Variants in POLR3E observed in about 807,000 individuals in gnomAD.
POLR3E encodes the protein RNA polymerase III subunit E, also known as DNA-directed RNA polymerase III subunit RPC5.
Under a neutral mutation model 96.6 loss-of-function variants are expected in POLR3E, and 41 were observed. The observed-to-expected ratio is 0.42, with a 90% CI of 0.33 to 0.55. The LOEUF is 0.55. POLR3E is among the 20% of genes least tolerant of loss of function. POLR3E has a pLI of 0.06. For synonymous variants in POLR3E, 396 were observed against 383.6 expected (o/e 1.03, Z -0.38); for missense variants, 849 against 952.1 (o/e 0.89, Z 1.43).
At chr16:22,297,693 A>G (rs1001085306) in intron 1 of POLR3E, among the ~76,000 whole-genome samples, 156 bp downstream of exon 1, 3 of 152,210 alleles carry the variant, frequency 2.0e-5, no homozygotes, top group African/African-American at 7.2e-5. Context: ...GAGGAGGGGC[A>G]GCCGGCTCCA....
intron 2 of POLR3E, 152 bp from the exon 3 acceptor site, chr16:22,305,004 G>A (rs2305967): frequency 2.8e-6 from 2 of 701,894 alleles, no homozygotes; most frequent in Non-Finnish European, 5.3e-6. Flanking sequence ...CCTTGGATCC[G>A]CTTGCTTTTA....
intron 19 of POLR3E, 93 bp downstream of exon 19, chr16:22,328,680 C>T (rs2048665309): frequency 1.0e-6 from 1 of 971,818 alleles, no homozygotes; most frequent in African/African-American, 1.6e-5. Context: ...CAAAGTGCAG[C>T]CACACATTTC....
chr16:22,298,615 A>C (rs760209265), intron 1 of POLR3E, among the ~76,000 whole-genome samples: 1 of 152,152 alleles, frequency 6.6e-6, no homozygotes, highest in Non-Finnish European at 1.5e-5. Flanking sequence ...ACTTAACCAT[A>C]CTGCCGTTTA....
In POLR3E at chr16:22,317,056, G is replaced by A; in HGVS notation, c.773+17G>A. ...GGAGGAGAAGTGAGTAGAGGCGGCA[G>A]GACACCCTCTCCCTTTCCGGGCTGG... On this transcript the variant is annotated intron_variant, in intron 11 of 20. Coordinates refer to ENST00000299853, the MANE Select transcript of POLR3E (RefSeq NM_018119.4). 1 of 1,613,922 alleles carries A rather than the reference G, an allele frequency of 6.2e-7. No individual in the cohort carries two copies. The highest frequency in any genetic ancestry group is 8.5e-7 in the Non-Finnish European group (1 of 1,179,766).
At chr16:22,315,247 G>C (rs797017637) in intron 9 of POLR3E, 39 bp downstream of exon 9, 2 of 1,553,308 alleles carry the variant, frequency 1.3e-6, no homozygotes, top group South Asian at 2.4e-5. Flanking sequence ...GAAACACCTC[G>C]GTGCCCGGAA....
At position 22,326,169 on chromosome 16, in the gene POLR3E, A is replaced by G. The variant is rs779427318; in HGVS notation, c.1757A>G (p.Asn586Ser). ...CTGAGCGAACTCAAGCGCCTCTTCA[A>G]TCTGCACTTGGCCAGCCTGCCCCCC... ...LTLSELKRLF[N>S]LHLASLPPGH... Residue 586 changes from asparagine to serine, a missense_variant, in exon 18 of 21, where the codon AAT becomes AGT. Physicochemically the swap from Asn to Ser is conservative, Grantham distance 46. Coordinates refer to ENST00000299853, the MANE Select transcript of POLR3E (RefSeq NM_018119.4). 1.6e-5 allele frequency: 26 copies of G among 1,613,882 alleles called. No individual in the cohort carries two copies. The highest frequency in any genetic ancestry group is 3.3e-5 in the Admixed American group (2 of 60,010).
rs56100056 is a variant in POLR3E, at chr16:22,330,988, C to CTTTTTTTTTTTTTTTTTTTTTTTTTT, written c.1945-1063_1945-1038dup. ...GACAAATAGTGATACATGAAGCATCCTTTTTTTTTTTTTTTTTTTTTTTTT... is the reference window on the plus strand; with the variant it reads ...GACAAATAGTGATACATGAAGCATCCTTTTTTTTTTTTTTTTTTTTTTTTTTTTTTTTTTTTTTTTTTTTTTTTTTT... On this transcript the variant is annotated intron_variant, in intron 19 of 20. Transcript: ENST00000299853. 3.9e-5 allele frequency among the ~76,000 whole-genome samples: 2 copies of CTTTTTTTTTTTTTTTTTTTTTTTTTT among 50,732 alleles called. 1 individual carries two copies. 33.3% of individuals were successfully genotyped at this position (50,732 alleles called of 152,430 possible). A position where few individuals can be genotyped will look rare whatever the true frequency, so the allele number is the denominator to read the frequency against.
In POLR3E at chr16:22,309,516, C is replaced by T. The variant is rs752717630; in HGVS notation, c.364+6C>T. On this transcript the variant is annotated splice_donor_region_variant and intron_variant, in intron 6 of 20. Coordinates refer to ENST00000299853, the MANE Select transcript of POLR3E (RefSeq NM_018119.4). ...CGCTGCACTCTACAGGCAAGGTACC[C>T]GGGGCTGGGTGTCCCGCGGTGGGGA... The T allele has an allele frequency of 1.3e-5, 20 of 1,576,394 alleles. No homozygotes were observed. The African/African-American group carries it at 1.4e-4, about 11-fold the overall frequency.
rs772553965 is a variant in POLR3E, at chr16:22,298,519, G to A, written c.-39+982G>A. ...AAAATAGGGAGGAATACCAAACCCAGACAACTCAGGTGGGTCACAGATGCC... is the reference window on the plus strand; with the variant it reads ...AAAATAGGGAGGAATACCAAACCCAAACAACTCAGGTGGGTCACAGATGCC... On this transcript the variant is annotated intron_variant, in intron 1 of 20. Transcript: ENST00000299853. Among the ~76,000 whole-genome samples the A allele has an allele frequency of 3.3e-5, 5 of 152,184 alleles. No homozygotes were observed. The South Asian group carries it at 8.3e-4, about 25-fold the overall frequency.
At chr16:22,309,083 C>T (rs2048191984) in intron 5 of POLR3E, 43 bp downstream of exon 5, 1 of 1,375,948 alleles carries the variant, frequency 7.3e-7, no homozygotes, top group Non-Finnish European at 1.0e-6. Context: ...CCTGCGTTCA[C>T]ACAGGAGCCT....
At chr16:22,320,179 TA>T (rs1400800323) in intron 13 of POLR3E, among the ~76,000 whole-genome samples, 9 of 152,328 alleles carry the variant, frequency 5.9e-5, no homozygotes, top group South Asian at 4.1e-4. Context: ...GGTATATATA[TA>T]TTTTTTTACC....
intron 2 of POLR3E, among the ~76,000 whole-genome samples, chr16:22,303,639 C>CTTTTTTT (rs58949663): frequency 0.017 from 1,888 of 114,056 alleles, 138 homozygotes; most frequent in East Asian, 0.056. Flanking sequence ...GCAGATTTCC[C>CTTTTTTT]TTTTTTTTTT....
chr16:22,328,640 G>A, intron 19 of POLR3E, 53 bp downstream of exon 19: 1 of 1,450,128 alleles, frequency 6.9e-7, no homozygotes, highest in African/African-American at 1.4e-5. Context: ...GTTTCCTGCA[G>A]CGTTGGAGGC....
rs74014922 is a variant in POLR3E, at chr16:22,308,294, G to C, written c.165+69G>C. On this transcript the variant is annotated intron_variant, in intron 4 of 20. Transcript: ENST00000299853. ...GATGAGGGTGGGAGCTGGTGGAGGC[G>C]AGAAGCTCAGAGAAGGAGTCATTGG... 5.0e-3 allele frequency: 5,684 copies of C among 1,126,678 alleles called. 192 individuals are homozygous for C. In the African/African-American group the frequency reaches 0.073, roughly 14 times the overall value. The allele number at this position is 1,126,678 out of a possible 1,614,324, so 69.8% of individuals were successfully genotyped here.
chr16:22,314,134 C>A lies in POLR3E; in HGVS notation c.522+6C>A. Reference sequence around the variant, plus strand: ...ACGATGTTAAGCAGATCACGGTGAGCCCTGGCCCCTGGAGGAGGAGGGTGC... The same window carrying A: ...ACGATGTTAAGCAGATCACGGTGAGACCTGGCCCCTGGAGGAGGAGGGTGC... On this transcript the variant is annotated splice_donor_region_variant and intron_variant, in intron 8 of 20. Coordinates refer to ENST00000299853, the MANE Select transcript of POLR3E (RefSeq NM_018119.4). 6.2e-7 allele frequency: 1 copy of A among 1,612,792 alleles called. No homozygotes were observed. The highest frequency in any genetic ancestry group is 8.5e-7 in the Non-Finnish European group (1 of 1,178,980).
chr16:22,302,693 T>A, intron 1 of POLR3E: 1 of 509,340 alleles, frequency 2.0e-6, no homozygotes, highest in Non-Finnish European at 3.5e-6. Context: ...CAGCCCACAC[T>A]TGTTGGCTTG....
chr16:22,315,241 C>T (rs1481437853), intron 9 of POLR3E, 33 bp downstream of exon 9: 3 of 1,556,978 alleles, frequency 1.9e-6, no homozygotes, highest in Admixed American at 3.9e-5. Flanking sequence ...CTGGGGGAAA[C>T]ACCTCGGTGC....
At chr16:22,298,909 T>C in intron 1 of POLR3E, 1 of 453,576 alleles carries the variant, frequency 2.2e-6, no homozygotes, top group South Asian at 1.6e-5. Context: ...ATGCTCCCCA[T>C]AACAGCTTTG....
intron 3 of POLR3E, among the ~76,000 whole-genome samples, chr16:22,306,260 T>TTTTG (rs1334325972): frequency 2.0e-5 from 3 of 152,182 alleles, no homozygotes; most frequent in Non-Finnish European, 2.9e-5. Flanking sequence ...CTTTTCTTTT[T>TTTTG]TTTGTTTGTT....
Sources: gnomAD v4.1 joint callset for allele counts (sites outside exome capture counted in the v4.1 genomes callset) on GRCh38, gnomAD v4.1.1 for gene constraint, MANE v1.5 for transcripts, NCBI Gene and HGNC (gene_info 2026-07-23, HGNC 2026-07-21) for gene names.